The following XKR9 variants were observed in gnomAD, a reference collection of about 807,000 sequenced individuals.
The protein encoded by XKR9 is XK-related protein 9.
XKR9 carries 32 observed loss-of-function variants against 32.0 expected under a neutral mutation model. The ratio of observed to expected loss-of-function variants is 1.00; its 90% CI spans 0.76 to 1.34. XKR9 has a LOEUF of 1.34. Ranked by LOEUF, XKR9 falls within the 40% of genes most tolerant of loss-of-function variation. The probability of loss-of-function intolerance (pLI) is 0.00; values close to 1 mark genes in which losing one functional copy is unlikely to be tolerated. For missense variants in XKR9, 546 were observed against 429.7 expected, an observed-to-expected ratio of 1.27 and a Z score of -2.39; for synonymous variants, 168 against 143.4, an observed-to-expected ratio of 1.17 and a Z score of -1.22.
At chr8:70,954,622 G>T in the XKR9 span, among the ~76,000 whole-genome samples, 18 of 152,292 alleles carry the variant, frequency 1.2e-4, no homozygotes, top group Non-Finnish European at 2.1e-4. Context: ...AGGAAGAACT[G>T]CTAACCTTGA....
At chr8:70,914,673 C>T in the XKR9 span, among the ~76,000 whole-genome samples, 1 of 152,140 alleles carries the variant, frequency 6.6e-6, no homozygotes, top group Admixed American at 6.6e-5. Flanking sequence ...CATTGGCTTC[C>T]ATTTTTACTT....
At chr8:70,834,561 A>T in the XKR9 span, among the ~76,000 whole-genome samples, 1 of 152,092 alleles carries the variant, frequency 6.6e-6, no homozygotes, top group Admixed American at 6.6e-5. Flanking sequence ...TCCTGTTTTT[A>T]TTCAAAAATA....
chr8:70,707,611 GTTTC>G (rs966078988), intron 4 of XKR9, among the ~76,000 whole-genome samples: 6 of 57,446 alleles, frequency 1.0e-4, no homozygotes, highest in Non-Finnish European at 3.8e-4. Context: ...AATTTAGGTT[GTTTC>G]TTATATTTAA....
At chr8:70,829,921 G>A in the XKR9 span, among the ~76,000 whole-genome samples, 1 of 151,462 alleles carries the variant, frequency 6.6e-6, no homozygotes, top group East Asian at 1.9e-4. Context: ...GATTAAATAA[G>A]TTGATTTCTT....
At chr8:70,820,984 G>T in the XKR9 span, among the ~76,000 whole-genome samples, 4 of 152,078 alleles carry the variant, frequency 2.6e-5, no homozygotes, top group African/African-American at 9.7e-5. Context: ...GTCCCCCAAA[G>T]TCTTAATTAA....
chr8:70,815,456 G>C, the XKR9 span, among the ~76,000 whole-genome samples: 1 of 151,984 alleles, frequency 6.6e-6, no homozygotes, highest in Non-Finnish European at 1.5e-5. Context: ...AGTTTGCTAA[G>C]GATAATGGCC....
At chr8:70,849,696 G>C in the XKR9 span, among the ~76,000 whole-genome samples, 1 of 152,038 alleles carries the variant, frequency 6.6e-6, no homozygotes, top group Non-Finnish European at 1.5e-5. Context: ...TTCTTGAAAA[G>C]ACTGACAAAA....
At chr8:70,695,331 CG>C (rs1392149011) in intron 3 of XKR9, among the ~76,000 whole-genome samples, 2 of 84,188 alleles carry the variant, frequency 2.4e-5, no homozygotes, top group African/African-American at 4.4e-5. Context: ...TCCCCCCTCC[CG>C]CCACCCCACA....
At chr8:70,675,441 C>G (rs141698702) in intron 2 of XKR9, among the ~76,000 whole-genome samples, 7 of 152,198 alleles carry the variant, frequency 4.6e-5, no homozygotes, top group African/African-American at 1.7e-4. Flanking sequence ...AAGTCCTCTT[C>G]TGAAGAAGCT....
chr8:70,684,365 G>A (rs1013616304), intron 3 of XKR9, among the ~76,000 whole-genome samples: 9 of 152,068 alleles, frequency 5.9e-5, no homozygotes, highest in Non-Finnish European at 1.3e-4. Flanking sequence ...TGAACTCTTT[G>A]TGATACATTC....
the XKR9 span, among the ~76,000 whole-genome samples, chr8:70,815,972 A>T: frequency 6.6e-6 from 1 of 152,092 alleles, no homozygotes; most frequent in African/African-American, 2.4e-5. Context: ...ATGTGTCTTT[A>T]TAATAGAACA....
At chr8:70,724,659 T>A (rs1586860013) in intron 4 of XKR9, among the ~76,000 whole-genome samples, 2 of 151,866 alleles carry the variant, frequency 1.3e-5, no homozygotes, top group South Asian at 4.2e-4. Flanking sequence ...ACTTCATGGG[T>A]GAGGTGACAA....
At chr8:70,858,248 G>T in the XKR9 span, among the ~76,000 whole-genome samples, 96 of 152,236 alleles carry the variant, frequency 6.3e-4, no homozygotes, top group African/African-American at 2.2e-3. Context: ...TCCTTAAGCT[G>T]ATAAGCAACT....
intron 3 of XKR9, among the ~76,000 whole-genome samples, chr8:70,689,433 C>A (rs1474508061): frequency 7.0e-6 from 1 of 142,392 alleles, no homozygotes; most frequent in Non-Finnish European, 1.6e-5. Flanking sequence ...AGTAGCTTGA[C>A]CATATTGCAA....
the XKR9 span, among the ~76,000 whole-genome samples, chr8:70,809,848 C>G: frequency 1.3e-5 from 2 of 152,152 alleles, no homozygotes; most frequent in African/African-American, 4.8e-5. Flanking sequence ...AGAATGGAAC[C>G]AAGTTGGAAA....
At chr8:70,869,637 T>G in the XKR9 span, among the ~76,000 whole-genome samples, 1 of 152,266 alleles carries the variant, frequency 6.6e-6, no homozygotes, top group East Asian at 1.9e-4. Context: ...TATCTCACTG[T>G]CTCAGAGAAA....
At chr8:70,780,881 A>T (rs974177616) in intron 2 of XKR9, 4 of 151,194 alleles carry the variant, frequency 2.6e-5, no homozygotes, top group African/African-American at 9.7e-5. Flanking sequence ...TTTCAACACC[A>T]ACAATTCTCT....
At chr8:70,751,676 TC>T (rs1478990670) in intron 2 of XKR9, among the ~76,000 whole-genome samples, 1 of 152,108 alleles carries the variant, frequency 6.6e-6, no homozygotes, top group African/African-American at 2.4e-5. Context: ...GACATCTACC[TC>T]CTCCTGCCCT....
chr8:70,865,692 T>C, the XKR9 span, among the ~76,000 whole-genome samples: 1 of 152,148 alleles, frequency 6.6e-6, no homozygotes, highest in African/African-American at 2.4e-5. Flanking sequence ...CTGCAATGGC[T>C]GGAGTACTTC....
Sources: gnomAD v4.1 joint callset for allele counts (sites outside exome capture counted in the v4.1 genomes callset) on GRCh38, gnomAD v4.1.1 for gene constraint, MANE v1.5 for transcripts, NCBI Gene and HGNC (gene_info 2026-07-23, HGNC 2026-07-21) for gene names.